Variants in CHN1 observed in about 807,000 individuals in gnomAD.
The protein encoded by CHN1 is chimerin 1.
Under a neutral mutation model 59.5 loss-of-function variants are expected in CHN1, and 37 were observed. The ratio of observed to expected loss-of-function variants is 0.62; its 90% CI spans 0.48 to 0.82. The LOEUF (loss-of-function observed/expected upper bound fraction) is 0.82. CHN1 is among the 40% of genes least tolerant of loss of function. The probability of loss-of-function intolerance (pLI) is 0.00; values close to 1 mark genes in which losing one functional copy is unlikely to be tolerated. For missense variants in CHN1, 469 were observed against 571.0 expected (o/e 0.82, Z 1.82); for synonymous variants, 206 against 200.4 (o/e 1.03, Z -0.24).
At chr2:174,962,217 G>A (rs541475834) in intron 1 of CHN1, among the ~76,000 whole-genome samples, 49 of 151,730 alleles carry the variant, frequency 3.2e-4, no homozygotes, top group Non-Finnish European at 5.0e-4. Flanking sequence ...CCTGGGAGGC[G>A]GAGGTTGCAG....
chr2:174,980,762 G>C (rs1357235495), intron 1 of CHN1, among the ~76,000 whole-genome samples: 1 of 151,310 alleles, frequency 6.6e-6, no homozygotes, highest in Non-Finnish European at 1.5e-5. Flanking sequence ...ACTTGCAAAT[G>C]AATCTAAACT....
intron 6 of CHN1, among the ~76,000 whole-genome samples, chr2:174,873,443 A>C (rs1374618202): frequency 6.6e-6 from 1 of 152,236 alleles, no homozygotes; most frequent in Non-Finnish European, 1.5e-5. Flanking sequence ...TGTTACCTTT[A>C]TTCGTGATTA....
chr2:174,975,603 T>C (rs1169453572), intron 1 of CHN1, among the ~76,000 whole-genome samples: 2 of 149,522 alleles, frequency 1.3e-5, no homozygotes, highest in Admixed American at 1.3e-4. Flanking sequence ...CCCAGGTCCA[T>C]AAGCTCTTTT....
intron 7 of CHN1, among the ~76,000 whole-genome samples, chr2:174,844,561 C>A (rs16862875): frequency 6.6e-6 from 1 of 152,140 alleles, no homozygotes; most frequent in African/African-American, 2.4e-5. Flanking sequence ...GAATGATTAT[C>A]GTCATGGAAA....
At chr2:174,984,588 C>T (rs1010381930) in intron 1 of CHN1, among the ~76,000 whole-genome samples, 23 of 152,114 alleles carry the variant, frequency 1.5e-4, no homozygotes, top group Non-Finnish European at 8.8e-5. Flanking sequence ...AGGATGGTCT[C>T]GATCCCTTGA....
At chr2:174,828,960 T>C (rs528506135) in intron 7 of CHN1, among the ~76,000 whole-genome samples, 1 of 152,326 alleles carries the variant, frequency 6.6e-6, no homozygotes, top group African/African-American at 2.4e-5. Flanking sequence ...AAGTCAAAAA[T>C]GGTCCCAAGA....
At chr2:174,896,234 C>T (rs1688215104) in intron 5 of CHN1, among the ~76,000 whole-genome samples, 1 of 152,072 alleles carries the variant, frequency 6.6e-6, no homozygotes, top group Non-Finnish European at 1.5e-5. Flanking sequence ...CTACATAACG[C>T]ATTAACTTCT....
At chr2:174,966,035 T>C (rs1690578923) in intron 1 of CHN1, among the ~76,000 whole-genome samples, 2 of 152,248 alleles carry the variant, frequency 1.3e-5, no homozygotes, top group Middle Eastern at 6.8e-3. Context: ...GAAACAAAAA[T>C]GAGCCTTGCT....
At chr2:174,889,337 A>T (rs142114132) in intron 5 of CHN1, among the ~76,000 whole-genome samples, 173 of 152,332 alleles carry the variant, frequency 1.1e-3, no homozygotes, top group African/African-American at 4.0e-3. Flanking sequence ...AGAAACAAGG[A>T]AATAGCACAA....
At chr2:174,937,996 T>A (rs1689545949) in intron 3 of CHN1, among the ~76,000 whole-genome samples, 1 of 152,054 alleles carries the variant, frequency 6.6e-6, no homozygotes, top group Non-Finnish European at 1.5e-5. Context: ...CAGCACAAAA[T>A]GAACTAACAC....
chr2:174,999,766 G>A (rs1691825368), intron 1 of CHN1, among the ~76,000 whole-genome samples: 1 of 152,132 alleles, frequency 6.6e-6, no homozygotes, highest in Admixed American at 6.5e-5. Flanking sequence ...AATTTTCATG[G>A]GGAGAACAAT....
chr2:174,850,717 T>C (rs1396854616), intron 6 of CHN1, among the ~76,000 whole-genome samples: 2 of 152,184 alleles, frequency 1.3e-5, no homozygotes, highest in East Asian at 3.8e-4. Context: ...TTGTGTTTTG[T>C]CTCTACCCAA....
chr2:174,846,914 T>C lies in CHN1; in HGVS notation c.593A>G (p.Gln198Arg). 1.3e-6 allele frequency: 2 copies of C among 1,552,568 alleles called. No homozygotes were observed. The highest frequency in any genetic ancestry group is 1.4e-5 in the African/African-American group (1 of 73,328). Reference protein sequence around the residue: ...VRRATLKENEQIPKYEKIHNF... With the variant: ...VRRATLKENERIPKYEKIHNF... The stretch of plus-strand genomic sequence containing the variant: ...GTGAATCTTTTCATATTTTGGAATT[T>C]GCTCGTTTTCTTTCAGAGTTGCTCT... Residue 198 changes from glutamine to arginine, a missense_variant, in exon 7 of 13, where the codon CAA (glutamine) becomes CGA (arginine). Around this residue, in one of 5 missense-constraint regions of CHN1, gnomAD observed 81 missense variants for 71.7 expected, o/e 1.13. Transcript: ENST00000409900.
In CHN1 at chr2:174,867,149, G is replaced by A. The variant is rs192672247; in HGVS notation, c.549+10691C>T. 3.8e-4 allele frequency among the ~76,000 whole-genome samples: 58 copies of A among 151,464 alleles called. 1 individual carries two copies. In the South Asian group the frequency reaches 8.5e-3, roughly 22 times the overall value. Reference sequence around the variant, plus strand: ...AGCACTTTGGGAGGCCAAGGCAGGCGGATCAGTTGAACTCAGGAGTTGGAG... The same window carrying A: ...AGCACTTTGGGAGGCCAAGGCAGGCAGATCAGTTGAACTCAGGAGTTGGAG... On this transcript the variant is annotated intron_variant, in intron 6 of 12. Transcript: ENST00000409900.
chr2:174,855,390 C>G (rs1175755315), intron 6 of CHN1, among the ~76,000 whole-genome samples: 1 of 152,140 alleles, frequency 6.6e-6, no homozygotes, highest in Non-Finnish European at 1.5e-5. Flanking sequence ...GTTTCTCATT[C>G]AGGTTTAGTG....
intron 1 of CHN1, among the ~76,000 whole-genome samples, chr2:175,002,942 A>C (rs1691936572): frequency 6.6e-6 from 1 of 152,186 alleles, no homozygotes; most frequent in African/African-American, 2.4e-5. Context: ...TACATCTCTC[A>C]ACATACACAA....
chr2:174,888,959 T>A (rs908783577), intron 5 of CHN1, among the ~76,000 whole-genome samples: 1 of 152,082 alleles, frequency 6.6e-6, no homozygotes, highest in Admixed American at 6.5e-5. Flanking sequence ...GAGTGGAGTA[T>A]GAATATGGTG....
At chr2:174,833,136 TA>T (rs1414209704) in intron 7 of CHN1, among the ~76,000 whole-genome samples, 2 of 152,120 alleles carry the variant, frequency 1.3e-5, no homozygotes, top group Non-Finnish European at 2.9e-5. Context: ...AAATATCAGT[TA>T]GGTCAAATTG....
rs1210373 is a variant in CHN1, at chr2:174,847,651, A to G, written c.550-694T>C. The G allele has an allele frequency of 5.3e-6, 7 of 1,323,640 alleles. No homozygotes were observed. The African/African-American group carries it at 1.1e-4, about 20-fold the overall frequency. 82.0% of individuals were successfully genotyped at this position (1,323,640 alleles called of 1,614,324 possible). On this transcript the variant is annotated intron_variant, in intron 6 of 12. Transcript: ENST00000409900. The stretch of plus-strand genomic sequence containing the variant: ...CAAGGAAGGCTGCATTAGATTGGCC[A>G]CCGTAAGAAAGGAGATAACCAATGA...
Sources: gnomAD v4.1 joint callset for allele counts (sites outside exome capture counted in the v4.1 genomes callset) on GRCh38, gnomAD v4.1.1 for gene constraint, gnomAD v4.1.1 regional missense constraint, MANE v1.5 for transcripts, NCBI Gene and HGNC (gene_info 2026-07-23, HGNC 2026-07-21) for gene names.